Variants in IQGAP3 observed in about 807,000 individuals in gnomAD.
The protein encoded by IQGAP3 is IQ motif containing GTPase activating protein 3.
A neutral mutation model predicts 208.2 loss-of-function variants in IQGAP3; 165 were observed. The ratio of observed to expected loss-of-function variants is 0.79; its 90% CI spans 0.70 to 0.90. The LOEUF (loss-of-function observed/expected upper bound fraction) is 0.90, where lower values mean the gene tolerates loss of function less well. Among genes scored for constraint, IQGAP3 ranks in the 40% least tolerant of loss-of-function variants. IQGAP3 has a pLI of 0.00. For missense variants in IQGAP3, 1,811 were observed against 2,043.1 expected (o/e 0.89, Z 2.19); for synonymous variants, 703 against 803.6 (o/e 0.87, Z 2.12).
intron 22 of IQGAP3, among the ~76,000 whole-genome samples, chr1:156,542,271 C>T (rs896748854): frequency 1.3e-5 from 2 of 152,182 alleles, no homozygotes; most frequent in African/African-American, 4.8e-5. Context: ...CGACTTGCAA[C>T]CTCTGCTTCC....
Position 156,533,122 on chromosome 1 carries a change from G to C in IQGAP3, c.3977-16C>G, listed in dbSNP as rs764410168. The C allele has an allele frequency of 1.9e-6, 3 of 1,613,422 alleles. No individual in the cohort carries two copies. The African/African-American group carries it at 4.0e-5, about 22-fold the overall frequency. On this transcript the variant is annotated splice_polypyrimidine_tract_variant and intron_variant, in intron 31 of 37. Transcript: ENST00000361170. ...ATGCTCTCACCTGAGGTGTGGTGAG[G>C]AATGAGAGGGAGACAGGCATACACA...
chr1:156,548,457 ATG>A lies in IQGAP3; in HGVS notation c.2022_2023del (p.Met675GlufsTer47), dbSNP rs1557932920. The A allele has an allele frequency of 6.2e-7, 1 of 1,613,826 alleles. No individual in the cohort carries two copies. Among genetic ancestry groups the A allele is most frequent in the Non-Finnish European group, 8.5e-7 (1 of 1,179,930 alleles). On this transcript the variant is annotated frameshift_variant, in exon 18 of 38. Coordinates refer to ENST00000361170, the MANE Select transcript of IQGAP3 (RefSeq NM_178229.5). LOFTEE classifies it high-confidence loss of function. ...GAAGTAGTAGGCAGTGCCATCCTTC[ATG>A]TCATGTTGAACCCAGAAAGCTGTGT...
rs1456269987 is a variant in IQGAP3, at chr1:156,562,664, T to G, written c.800A>C (p.Asp267Ala). 1.2e-6 allele frequency: 2 copies of G among 1,613,674 alleles called. No individual in the cohort carries two copies. The highest frequency in any genetic ancestry group is 1.7e-6 in the Non-Finnish European group (2 of 1,179,672). The change falls in exon 9 of 38, where the codon GAT becomes GCT. Residue 267 changes from aspartate (D) to alanine (A), a missense_variant and splice_region_variant. Transcript: ENST00000361170. ...MEKAANARNH[D>A]DRESQDIYDH... ...ATAGATGTCCTGGCTTTCTCTGTCATCCTGCAAAAACTCCATTGAAAGGGA... is the reference window on the plus strand; with the variant it reads ...ATAGATGTCCTGGCTTTCTCTGTCAGCCTGCAAAAACTCCATTGAAAGGGA...
chr1:156,542,815 C>T (rs566911837), intron 22 of IQGAP3, among the ~76,000 whole-genome samples: 1 of 152,230 alleles, frequency 6.6e-6, no homozygotes, highest in African/African-American at 2.4e-5. Flanking sequence ...GTGGTGTACG[C>T]CTCCAGTCCC....
intron 28 of IQGAP3, 57 bp downstream of exon 28, chr1:156,535,106 A>C: frequency 8.3e-7 from 1 of 1,203,580 alleles, no homozygotes; most frequent in East Asian, 2.4e-5. Flanking sequence ...TGGGGATTGC[A>C]GGTACCAGCA....
At chr1:156,543,839 C>T (rs1044398722) in intron 22 of IQGAP3, 142 bp downstream of exon 22, 2 of 729,200 alleles carry the variant, frequency 2.7e-6, no homozygotes, top group African/African-American at 1.8e-5. Flanking sequence ...TGTTACAACT[C>T]CTGTTCCATG....
chr1:156,569,304 A>G (rs1676534854), intron 2 of IQGAP3, 72 bp downstream of exon 2: 17 of 927,530 alleles, frequency 1.8e-5, no homozygotes, highest in Non-Finnish European at 2.8e-5. Context: ...CATTTGCTTT[A>G]GCGGCAGATG....
chr1:156,569,438 C>T lies in IQGAP3; in HGVS notation c.63G>A (p.Met21Ile), dbSNP rs1260169111. 1 of 1,612,304 alleles carries T rather than the reference C, an allele frequency of 6.2e-7. No homozygotes were observed. Among genetic ancestry groups the T allele is most frequent in the Non-Finnish European group, 8.5e-7 (1 of 1,179,316 alleles). ...CAACATTCTGCCGCCTCTGCTCATC[C>T]ATCTCCTCAGCTGTGAGGCGTTCAT... The part of the protein sequence containing the change: ...AAYERLTAEE[M>I]DEQRRQNVAY... The change falls in exon 2 of 38, where the codon ATG becomes ATA. Residue 21 changes from methionine to isoleucine, a missense_variant. Met to Ile is a conservative substitution (Grantham distance 10). Transcript: ENST00000361170.
At chr1:156,532,521 G>T (rs1406558006) in intron 32 of IQGAP3, among the ~76,000 whole-genome samples, 2 of 151,752 alleles carry the variant, frequency 1.3e-5, no homozygotes, top group East Asian at 3.9e-4. Context: ...CTACCTCATA[G>T]CTTGTTTCTA....
chr1:156,567,032 TA>T (rs1324244928), intron 2 of IQGAP3, among the ~76,000 whole-genome samples: 6 of 152,086 alleles, frequency 3.9e-5, no homozygotes, highest in Admixed American at 1.3e-4. Flanking sequence ...CACGCCCAGC[TA>T]ATTTTGTATT....
chr1:156,543,951 C>T, intron 22 of IQGAP3, 30 bp downstream of exon 22: 1 of 1,602,260 alleles, frequency 6.2e-7, no homozygotes, highest in Non-Finnish European at 8.6e-7. Context: ...TCCCTCCCAA[C>T]AGCTGGGGAG....
intron 11 of IQGAP3, among the ~76,000 whole-genome samples, chr1:156,559,730 T>G (rs1423112677): frequency 6.6e-6 from 1 of 152,116 alleles, no homozygotes; most frequent in Non-Finnish European, 1.5e-5. Context: ...GAGGGCAATC[T>G]AGGGAGAATA....
chr1:156,527,570 T>C (rs919545568), intron 37 of IQGAP3, among the ~76,000 whole-genome samples: 4 of 152,222 alleles, frequency 2.6e-5, no homozygotes, highest in African/African-American at 9.7e-5. Context: ...CACTGGCCTA[T>C]GACTTAGCCA....
In IQGAP3 at chr1:156,540,883, C is replaced by T. The variant is rs754484431; in HGVS notation, c.2564G>A (p.Arg855His). The T allele has an allele frequency of 1.6e-5, 26 of 1,613,812 alleles. No individual in the cohort carries two copies. The highest frequency in any genetic ancestry group is 5.5e-5 in the South Asian group (5 of 91,068). The change falls in exon 23 of 38, where the codon CGC (arginine) becomes CAC (histidine). Residue 855 changes from arginine to histidine, a missense_variant. Transcript: ENST00000361170. ...HAPHPPLSVVRRFAHLLNQSQ... is the reference protein window; with the variant it reads ...HAPHPPLSVVHRFAHLLNQSQ... ...TTGATTCAAGAGATGGGCAAATCTG[C>T]GTACCACACTGAGAGGAGGGTGGGG...
chr1:156,561,703 G>A (rs937415675), intron 10 of IQGAP3, 135 bp downstream of exon 10: 14 of 867,424 alleles, frequency 1.6e-5, no homozygotes, highest in Middle Eastern at 3.5e-4. Flanking sequence ...TAGGCCTTGG[G>A]GTGATTTAAC....
In IQGAP3 at chr1:156,531,143, C is replaced by A. The variant is rs1042870469; in HGVS notation, c.4191+17G>T. The A allele has an allele frequency of 1.3e-6, 2 of 1,587,690 alleles. No individual in the cohort carries two copies. Among genetic ancestry groups the A allele is most frequent in the African/African-American group, 1.3e-5 (1 of 74,362 alleles). The stretch of plus-strand genomic sequence containing the variant: ...GGATGAATGAGACAGAACCTGTGGG[C>A]CAGCCCGGCTACTCACTTGCTCTCT... On this transcript the variant is annotated intron_variant, in intron 33 of 37. Transcript: ENST00000361170.
At position 156,569,447 on chromosome 1, in the gene IQGAP3, A is replaced by C. The variant is rs906358239; in HGVS notation, c.54T>G (p.Ala18=). 6.2e-7 allele frequency: 1 copy of C among 1,607,608 alleles called. No homozygotes were observed. Among genetic ancestry groups the C allele is most frequent in the Non-Finnish European group, 8.5e-7 (1 of 1,176,946 alleles). Residue 18 remains alanine (A), a synonymous_variant, in exon 2 of 38, where the codon GCT becomes GCG. Coordinates refer to ENST00000361170, the MANE Select transcript of IQGAP3 (RefSeq NM_178229.5). ...PGWAAYERLT[A]EEMDEQRRQN... ...GCCGCCTCTGCTCATCCATCTCCTC[A>C]GCTGTGAGGCGTTCATCTGAGGAGT...
intron 36 of IQGAP3, 25 bp downstream of exon 36, chr1:156,528,484 C>G (rs761259567): frequency 6.4e-7 from 1 of 1,567,246 alleles, no homozygotes; most frequent in Non-Finnish European, 8.8e-7. Flanking sequence ...AAGGGGCTGA[C>G]ATCCTGCCCT....
chr1:156,567,810 AAT>A (rs1393990881), intron 2 of IQGAP3, among the ~76,000 whole-genome samples: 4 of 152,220 alleles, frequency 2.6e-5, no homozygotes, highest in Admixed American at 1.3e-4. Flanking sequence ...AGAGTAACCG[AAT>A]AGTCCTAAGA....
Sources: gnomAD v4.1 joint callset for allele counts (sites outside exome capture counted in the v4.1 genomes callset) on GRCh38, gnomAD v4.1.1 for gene constraint, MANE v1.5 for transcripts, NCBI Gene and HGNC (gene_info 2026-07-23, HGNC 2026-07-21) for gene names.